Variants in SUPT3H observed in about 807,000 individuals in gnomAD.
SUPT3H encodes SPT3 homolog, SAGA and STAGA complex component.
Under a neutral mutation model 44.3 loss-of-function variants are expected in SUPT3H, and 44 were observed. The observed-to-expected ratio is 0.99, with a 90% CI of 0.78 to 1.28. The LOEUF (loss-of-function observed/expected upper bound fraction) is 1.28, where lower values mean the gene tolerates loss of function less well. SUPT3H is among the 50% of genes most tolerant of loss of function. The pLI is 0.00. For missense variants in SUPT3H, 380 were observed against 387.1 expected (o/e 0.98, Z 0.15); for synonymous variants, 124 against 125.6 (o/e 0.99, Z 0.09).
chr6:44,871,183 C>T (rs1250229372), intron 10 of SUPT3H, among the ~76,000 whole-genome samples: 1 of 149,036 alleles, frequency 6.7e-6, no homozygotes, highest in Non-Finnish European at 1.5e-5. Flanking sequence ...GTAGGCTCCA[C>T]CTCTGGGGGC....
chr6:45,163,665 T>A (rs1809393377), intron 2 of SUPT3H, among the ~76,000 whole-genome samples: 1 of 152,150 alleles, frequency 6.6e-6, no homozygotes, highest in South Asian at 2.1e-4. Flanking sequence ...GACCACTATC[T>A]TTTTACCTTA....
intron 2 of SUPT3H, among the ~76,000 whole-genome samples, chr6:45,346,318 T>C (rs1211763060): frequency 6.6e-6 from 1 of 152,016 alleles, no homozygotes; most frequent in Non-Finnish European, 1.5e-5. Flanking sequence ...GCCCAATAAA[T>C]AAAATAGATT....
chr6:45,098,720 T>A (rs1798134524), intron 3 of SUPT3H: 1 of 403,414 alleles, frequency 2.5e-6, no homozygotes, highest in African/African-American at 2.1e-5. Flanking sequence ...ATGTTGGTAG[T>A]CTGGATAATA....
At chr6:45,350,002 A>G (rs568834831) in intron 2 of SUPT3H, among the ~76,000 whole-genome samples, 84 of 152,346 alleles carry the variant, frequency 5.5e-4, no homozygotes, top group South Asian at 5.4e-3. Flanking sequence ...AAATTACTAG[A>G]GCCAAAAATA....
chr6:44,932,951 C>T (rs1030231887), intron 9 of SUPT3H, among the ~76,000 whole-genome samples, 188 bp from the exon 10 acceptor site: 15 of 152,082 alleles, frequency 9.9e-5, no homozygotes, highest in Non-Finnish European at 1.9e-4. Context: ...TACATGACCC[C>T]TTTCTAGCAG....
At chr6:44,958,615 G>A (rs371008478) in intron 7 of SUPT3H, among the ~76,000 whole-genome samples, 1 of 152,012 alleles carries the variant, frequency 6.6e-6, no homozygotes. Context: ...CATTCTCTTA[G>A]TTTCTTCCAC....
rs559701065 is a variant in SUPT3H at position 44,829,266 on chromosome 6, G to A, written c.*550C>T. On this transcript the variant is annotated 3_prime_UTR_variant, in exon 11 of 11. Transcript: ENST00000371459. The stretch of plus-strand genomic sequence containing the variant: ...CACATACTATAAGTGGAGTGAAGGG[G>A]AAAGGAGGTGGGAACAGGTGATTTA... The A allele has an allele frequency of 1.3e-5, 2 of 152,274 alleles. No individual in the cohort carries two copies. Among genetic ancestry groups the A allele is most frequent in the Non-Finnish European group, 2.9e-5 (2 of 68,120 alleles). 9.4% of individuals were successfully genotyped at this position (152,274 alleles called of 1,614,324 possible). A position where few individuals can be genotyped will look rare whatever the true frequency, so the allele number is the denominator to read the frequency against.
chr6:45,141,932 C>G (rs1317072523), intron 2 of SUPT3H, among the ~76,000 whole-genome samples: 10 of 152,104 alleles, frequency 6.6e-5, no homozygotes, highest in Admixed American at 6.6e-4. Context: ...ATTGCCTAAG[C>G]ACATAGTCAT....
intron 10 of SUPT3H, among the ~76,000 whole-genome samples, chr6:44,867,872 A>T (rs140352780): frequency 6.6e-6 from 1 of 152,290 alleles, no homozygotes; most frequent in African/African-American, 2.4e-5. Context: ...TCTTCATTGT[A>T]CCATAAAGTA....
At chr6:44,912,366 CATA>C (rs1467158720) in intron 10 of SUPT3H, among the ~76,000 whole-genome samples, 1 of 152,116 alleles carries the variant, frequency 6.6e-6, no homozygotes, top group Non-Finnish European at 1.5e-5. Flanking sequence ...TTTCACTTAG[CATA>C]ATATTTTCAA....
intron 2 of SUPT3H, among the ~76,000 whole-genome samples, chr6:45,270,647 C>T (rs1775971401): frequency 6.6e-6 from 1 of 152,132 alleles, no homozygotes; most frequent in African/African-American, 2.4e-5. Context: ...TGGAGTATGT[C>T]CTTATCAGCA....
At chr6:45,374,604 T>C (rs563946000) in intron 1 of SUPT3H, among the ~76,000 whole-genome samples, 46 of 152,324 alleles carry the variant, frequency 3.0e-4, no homozygotes, top group African/African-American at 1.0e-3. Flanking sequence ...AACCCTTCTT[T>C]AACATTCTAA....
intron 3 of SUPT3H, among the ~76,000 whole-genome samples, chr6:45,080,984 T>A (rs575683392): frequency 3.3e-5 from 5 of 152,006 alleles, no homozygotes; most frequent in African/African-American, 1.2e-4. Context: ...TTTACCCTGA[T>A]AAAATTACTA....
chr6:44,985,327 A>G (rs180743336), intron 6 of SUPT3H, among the ~76,000 whole-genome samples: 2 of 152,076 alleles, frequency 1.3e-5, no homozygotes, highest in African/African-American at 2.4e-5. Flanking sequence ...AGCTCAGTTC[A>G]AGGATGCAGT....
At chr6:45,017,095 T>C (rs1401680060) in intron 4 of SUPT3H, among the ~76,000 whole-genome samples, 3 of 152,254 alleles carry the variant, frequency 2.0e-5, no homozygotes, top group African/African-American at 7.2e-5. Context: ...TGATGGCCAG[T>C]GATGATGAAC....
rs1797699678 is a variant in SUPT3H at position 45,095,702 on chromosome 6, T to C, written c.186+10220A>G. On this transcript the variant is annotated intron_variant, in intron 3 of 10. Coordinates refer to ENST00000371459, the MANE Select transcript of SUPT3H (RefSeq NM_003599.4). This position sits in a 1 kb window ranked among gnomAD's most constrained non-coding sequence, Gnocchi z 4.1. ...TAGTGAATCTTTTGATATTTAACTT[T>C]GAATGAACAGAGAAATGAAAGCAGC... is the stretch of plus-strand genomic sequence containing the variant. 6.6e-6 allele frequency among the ~76,000 whole-genome samples: 1 copy of C among 152,144 alleles called. No homozygotes were observed. The highest frequency in any genetic ancestry group is 1.5e-5 in the Non-Finnish European group (1 of 67,996).
chr6:44,881,402 T>A (rs941828672), intron 10 of SUPT3H, among the ~76,000 whole-genome samples: 1 of 152,012 alleles, frequency 6.6e-6, no homozygotes, highest in African/African-American at 2.4e-5. Flanking sequence ...TTCTTAGAGA[T>A]CTACAAAGAG....
chr6:45,083,105 T>C (rs904410790), intron 3 of SUPT3H, among the ~76,000 whole-genome samples: 4 of 151,750 alleles, frequency 2.6e-5, no homozygotes, highest in Non-Finnish European at 4.4e-5. Flanking sequence ...AAAACCCTGC[T>C]GTAAGAAATC....
At chr6:44,975,403 A>T (rs1346872524) in intron 6 of SUPT3H, among the ~76,000 whole-genome samples, 1 of 152,216 alleles carries the variant, frequency 6.6e-6, no homozygotes. Flanking sequence ...CTCAGCCATA[A>T]AAAGGAATGA....
Sources: gnomAD v4.1 joint callset for allele counts (sites outside exome capture counted in the v4.1 genomes callset) on GRCh38, gnomAD v4.1.1 for gene constraint, Gnocchi (gnomAD v3.1) non-coding constraint, MANE v1.5 for transcripts, NCBI Gene and HGNC (gene_info 2026-07-23, HGNC 2026-07-21) for gene names.